MAPK14: variants seen among roughly 807,000 people sequenced by gnomAD.
MAPK14 encodes mitogen-activated protein kinase 14.
In MAPK14, 16 loss-of-function variants were observed where a neutral mutation model predicts 49.6. The observed-to-expected ratio is 0.32, with a 90% CI of 0.22 to 0.49. The LOEUF is 0.49. Among genes scored for constraint, MAPK14 ranks in the 20% least tolerant of loss-of-function variants. The probability of loss-of-function intolerance (pLI) is 0.99; values close to 1 mark genes in which losing one functional copy is unlikely to be tolerated. For synonymous variants in MAPK14, 142 were observed against 158.0 expected, an observed-to-expected ratio of 0.90 and a Z score of 0.76; for missense variants, 200 against 441.2, an observed-to-expected ratio of 0.45 and a Z score of 4.90.
At chr6:36,121,389 C>G in the MAPK14 span, among the ~76,000 whole-genome samples, 183 of 152,322 alleles carry the variant, frequency 1.2e-3, 1 homozygote, top group African/African-American at 4.0e-3. Flanking sequence ...CTGCCTGTCA[C>G]ATGGGAGCTG....
chr6:36,077,927 T>C (rs993459590), intron 8 of MAPK14, among the ~76,000 whole-genome samples: 1 of 152,206 alleles, frequency 6.6e-6, no homozygotes, highest in Admixed American at 6.5e-5. Flanking sequence ...CAGAGTCCCA[T>C]CCTTGCTTTG....
At chr6:36,034,901 T>TTC (rs1762680875) in intron 1 of MAPK14, among the ~76,000 whole-genome samples, 1 of 144,956 alleles carries the variant, frequency 6.9e-6, no homozygotes, top group African/African-American at 2.6e-5. Flanking sequence ...TTCTTTCTTT[T>TTC]TTTTTTTTTT....
In MAPK14 at chr6:36,107,608, TC is replaced by T; in HGVS notation, c.997del (p.Ile334Ter). On this transcript the variant is annotated frameshift_variant, in exon 11 of 12. Transcript: ENST00000229794. LOFTEE classifies it high-confidence loss of function. This position sits in a 1 kb window ranked among gnomAD's most constrained non-coding sequence, Gnocchi z 4.3. ...GATCAGTCCTTTGAAAGCAGGGACC[TC>T]CTTATAGATGAGTGGAAAAGTAAGT... ...PYDQSFESRD[L>X]LIDEWKSLTY... is the part of the protein sequence containing the mutation. The T allele has an allele frequency of 6.3e-7, 1 of 1,582,704 alleles. No homozygotes were observed. The highest frequency in any genetic ancestry group is 8.6e-7 in the Non-Finnish European group (1 of 1,166,562).
chr6:36,059,679 T>C (rs1348265690), intron 3 of MAPK14, among the ~76,000 whole-genome samples: 1 of 152,040 alleles, frequency 6.6e-6, no homozygotes, highest in East Asian at 1.9e-4. Flanking sequence ...GTTGTTGTTG[T>C]TGTTGTTGTT....
the MAPK14 span, among the ~76,000 whole-genome samples, chr6:36,122,593 G>T: frequency 6.6e-6 from 1 of 152,202 alleles, no homozygotes; most frequent in Non-Finnish European, 1.5e-5. Context: ...TCTATTAGAG[G>T]GGGGCAGACA....
At chr6:36,074,981 C>T (rs1764464031) in intron 6 of MAPK14, among the ~76,000 whole-genome samples, 1 of 151,392 alleles carries the variant, frequency 6.6e-6, no homozygotes, top group Admixed American at 6.6e-5. Context: ...AATCCCAGCA[C>T]TTTGGGAGGC....
intron 1 of MAPK14, among the ~76,000 whole-genome samples, chr6:36,050,355 G>A (rs891135380): frequency 1.3e-5 from 2 of 152,184 alleles, no homozygotes; most frequent in Non-Finnish European, 2.9e-5. Context: ...TGTAGTCAGG[G>A]TACAAGTAAA....
intron 8 of MAPK14, among the ~76,000 whole-genome samples, chr6:36,086,667 A>C (rs1764998481): frequency 6.6e-6 from 1 of 152,208 alleles, no homozygotes; most frequent in South Asian, 2.1e-4. Context: ...CTACCAAGCA[A>C]GAAAAGCCCA....
intron 8 of MAPK14, 52 bp downstream of exon 8, chr6:36,076,660 C>T: frequency 2.2e-6 from 3 of 1,382,836 alleles, no homozygotes; most frequent in Non-Finnish European, 3.1e-6. Context: ...TTCCAGTGTC[C>T]ATGGGTGTAT....
intron 8 of MAPK14, among the ~76,000 whole-genome samples, chr6:36,077,598 C>T (rs1265797764): frequency 1.3e-5 from 2 of 151,980 alleles, no homozygotes; most frequent in Admixed American, 1.3e-4. Flanking sequence ...ATGATATCTA[C>T]CCACGTGTTC....
At chr6:36,079,465 A>G (rs902073464) in intron 8 of MAPK14, among the ~76,000 whole-genome samples, 3 of 152,166 alleles carry the variant, frequency 2.0e-5, no homozygotes, top group Admixed American at 6.6e-5. Context: ...TGGGCCACAC[A>G]TAAAATACAC....
rs768171262 is a variant in MAPK14 at position 36,074,073 on chromosome 6, G to A, written c.472G>A (p.Val158Met). ...HRDLKPSNLA[V>M]NEDCELKILD... ...GGACCTAAAACCTAGTAATCTAGCT[G>A]TGAATGAAGACTGTGAGCTGAAGGT... Residue 158 changes from valine (V) to methionine (M), a missense_variant, in exon 6 of 12, where the codon GTG becomes ATG. Physicochemically the swap from Val to Met is conservative, Grantham distance 21. Around this residue, in one of 2 missense-constraint regions of MAPK14, gnomAD observed 170 missense variants for 407.0 expected, o/e 0.42. Coordinates refer to ENST00000229794, the MANE Select transcript of MAPK14 (RefSeq NM_139012.3). The A allele has an allele frequency of 6.2e-7, 1 of 1,613,136 alleles. No individual in the cohort carries two copies. Among genetic ancestry groups the A allele is most frequent in the Non-Finnish European group, 8.5e-7 (1 of 1,179,216 alleles).
chr6:36,062,260 G>A (rs1763851546), intron 3 of MAPK14, among the ~76,000 whole-genome samples: 1 of 152,176 alleles, frequency 6.6e-6, no homozygotes, highest in Non-Finnish European at 1.5e-5. Context: ...ACAGACATGA[G>A]CCGCCACACC....
chr6:36,045,594 A>G (rs1246253144), intron 1 of MAPK14, among the ~76,000 whole-genome samples: 2 of 144,644 alleles, frequency 1.4e-5, no homozygotes, highest in East Asian at 4.0e-4. Flanking sequence ...GGATCACGAG[A>G]TCAGGAGATC....
intron 9 of MAPK14, 25 bp from the exon 10 acceptor site, chr6:36,102,546 A>G (rs1357791319): frequency 1.3e-6 from 2 of 1,582,630 alleles, no homozygotes; most frequent in Non-Finnish European, 8.7e-7. Context: ...GAACAAAGTC[A>G]TTCTGAAAAC....
chr6:36,074,874 A>G (rs1297876298), intron 6 of MAPK14, among the ~76,000 whole-genome samples: 1 of 151,744 alleles, frequency 6.6e-6, no homozygotes, highest in Non-Finnish European at 1.5e-5. Context: ...TCGGCCTCTC[A>G]AAGTGCTGGG....
chr6:36,036,778 T>C (rs1762768528), intron 1 of MAPK14, among the ~76,000 whole-genome samples: 1 of 152,196 alleles, frequency 6.6e-6, no homozygotes, highest in East Asian at 1.9e-4. Context: ...TCTCGCTCTG[T>C]TGCCCAGCCT....
intron 8 of MAPK14, among the ~76,000 whole-genome samples, chr6:36,084,920 C>T (rs938830495): frequency 2.0e-5 from 3 of 148,324 alleles, no homozygotes; most frequent in Admixed American, 6.6e-5. Flanking sequence ...CTAAGGGCAG[C>T]CAGAGAGAAA....
intron 1 of MAPK14, among the ~76,000 whole-genome samples, chr6:36,048,003 G>A (rs1001321102): frequency 6.6e-6 from 1 of 151,902 alleles, no homozygotes; most frequent in African/African-American, 2.4e-5. Flanking sequence ...TGGGATTATA[G>A]GCGTGAGCCA....
Sources: gnomAD v4.1 joint callset for allele counts (sites outside exome capture counted in the v4.1 genomes callset) on GRCh38, gnomAD v4.1.1 for gene constraint, gnomAD v4.1.1 regional missense constraint, Gnocchi (gnomAD v3.1) non-coding constraint, MANE v1.5 for transcripts, NCBI Gene and HGNC (gene_info 2026-07-23, HGNC 2026-07-21) for gene names.